DGKD: variants seen among roughly 807,000 people sequenced by gnomAD.
DGKD encodes diacylglycerol kinase delta.
DGKD carries 68 observed loss-of-function variants against 154.4 expected under a neutral mutation model. The observed-to-expected ratio is 0.44, with a 90% CI of 0.36 to 0.54. The LOEUF is 0.54. Among genes scored for constraint, DGKD ranks in the 20% least tolerant of loss-of-function variants. The pLI is 0.00. For synonymous variants in DGKD, 693 were observed against 638.0 expected (o/e 1.09, Z -1.30); for missense variants, 1,343 against 1,593.6 (o/e 0.84, Z 2.68).
chr2:233,436,321 A>G lies in DGKD; in HGVS notation c.699A>G (p.Ala233=), dbSNP rs768730921. Residue 233 remains alanine (A), a synonymous_variant, in exon 7 of 30, where the codon GCA becomes GCG. Coordinates refer to ENST00000264057, the MANE Select transcript of DGKD (RefSeq NM_152879.3). ...KDIIEDADGI[A]MPHQWLEGNL... is the part of the protein sequence containing the mutation. ...GTGCCTCTGTTTGGTTGCAGATTGC[A>G]ATGCCCCACCAGTGGTTGGAAGGAA... 1.9e-6 allele frequency: 3 copies of G among 1,614,200 alleles called. No homozygotes were observed. The highest frequency in any genetic ancestry group is 4.5e-5 in the East Asian group (2 of 44,884).
At chr2:233,427,189 G>A (rs2062334200) in intron 3 of DGKD, among the ~76,000 whole-genome samples, 1 of 151,550 alleles carries the variant, frequency 6.6e-6, no homozygotes, top group East Asian at 1.9e-4. Context: ...AAGATCTGAG[G>A]ATATTTTCTC....
Position 233,449,478 on chromosome 2 carries a change from ACCT to A in DGKD, c.1888+105_1888+107del, listed in dbSNP as rs1227407203. 14 of 1,426,238 alleles carry A rather than the reference ACCT, an allele frequency of 9.8e-6. No homozygotes were observed. Among genetic ancestry groups the A allele is most frequent in the Non-Finnish European group, 1.3e-5 (14 of 1,079,634 alleles). The allele number at this position is 1,426,238 out of a possible 1,614,324, so 88.3% of individuals were successfully genotyped here. ...TGACAGAAGGGTGCATGTTGAGAAA[ACCT>A]CCACTGCGGCCCTCTCCACCCATGT... On this transcript the variant is annotated intron_variant, in intron 15 of 29. Transcript: ENST00000264057. This position sits in a 1 kb window ranked among gnomAD's most constrained non-coding sequence, Gnocchi z 5.3.
intron 1 of DGKD, among the ~76,000 whole-genome samples, chr2:233,362,916 A>G (rs1187114280): frequency 6.6e-6 from 1 of 152,194 alleles, no homozygotes; most frequent in African/African-American, 2.4e-5. Context: ...TGAATTACCT[A>G]TGTGTTTGTG....
intron 3 of DGKD, among the ~76,000 whole-genome samples, chr2:233,399,068 A>T (rs1279092685): frequency 2.0e-5 from 3 of 152,202 alleles, no homozygotes; most frequent in African/African-American, 7.2e-5. Context: ...ATGAAGGATT[A>T]ATTTTTATTG....
chr2:233,437,627 C>A, intron 8 of DGKD, 148 bp downstream of exon 8: 1 of 764,524 alleles, frequency 1.3e-6, no homozygotes. Flanking sequence ...GGAGGAGTTG[C>A]ACAGAGCGGC....
At chr2:233,421,026 A>G (rs1327393973) in intron 3 of DGKD, among the ~76,000 whole-genome samples, 1 of 152,196 alleles carries the variant, frequency 6.6e-6, no homozygotes, top group Non-Finnish European at 1.5e-5. Flanking sequence ...TATCAGCAGC[A>G]GTGGTCACGT....
rs994264463 is a variant in DGKD, at chr2:233,437,451, C to G, written c.894C>G (p.Pro298=). Residue 298 remains proline (P), a synonymous_variant, in exon 8 of 30, where the codon CCC becomes CCG. Coordinates refer to ENST00000264057, the MANE Select transcript of DGKD (RefSeq NM_152879.3). ...TGTGCAAAGTGTCAGTCATCCCACC[C>G]ACGGCTCTCAACAGCATCGACTCCG... The part of the protein sequence containing the change: ...LGLCKVSVIP[P]TALNSIDSDG... 1.9e-6 allele frequency: 3 copies of G among 1,614,116 alleles called. No individual in the cohort carries two copies. The highest frequency in any genetic ancestry group is 2.7e-5 in the African/African-American group (2 of 74,952).
intron 3 of DGKD, among the ~76,000 whole-genome samples, chr2:233,397,929 T>G (rs550632767): frequency 1.9e-4 from 29 of 151,994 alleles, no homozygotes; most frequent in African/African-American, 6.5e-4. Flanking sequence ...AGAGGGGCTG[T>G]GGGGTGGTGG....
At chr2:233,455,738 C>T (rs910468818) in intron 19 of DGKD, among the ~76,000 whole-genome samples, 2 of 152,248 alleles carry the variant, frequency 1.3e-5, no homozygotes, top group South Asian at 2.1e-4. Flanking sequence ...CTCCTCATGG[C>T]GTCACTGCCA....
Position 233,441,891 on chromosome 2 carries a change from C to T in DGKD, c.1090C>T (p.Arg364Trp). Residue 364 changes from arginine (R) to tryptophan (W), a missense_variant, in exon 10 of 30, where the codon CGG (arginine) becomes TGG (tryptophan). Transcript: ENST00000264057. The surrounding 1 kb of genome is among the most constrained non-coding windows in gnomAD (Gnocchi z 5.6). ...GCCTTTCTCTTTTCTCTGCAGCTTA[C>T]GGTTATTCCAGAAGTTTGACACATT... ...LMNGGPHLGL[R>W]LFQKFDTFRI... 6.2e-7 allele frequency: 1 copy of T among 1,613,426 alleles called. No homozygotes were observed. The highest frequency in any genetic ancestry group is 8.5e-7 in the Non-Finnish European group (1 of 1,179,408).
At chr2:233,434,642 A>T (rs2062630612) in intron 4 of DGKD, 127 bp from the exon 5 acceptor site, 3 of 1,486,326 alleles carry the variant, frequency 2.0e-6, no homozygotes, top group Non-Finnish European at 2.8e-6. Flanking sequence ...TCCTCTCAGC[A>T]GACCTGTCCT....
At position 233,438,154 on chromosome 2, in the gene DGKD, T is replaced by A. The variant is rs974963477; in HGVS notation, c.923-63T>A. The A allele has an allele frequency of 6.4e-7, 1 of 1,559,822 alleles. No individual in the cohort carries two copies. On this transcript the variant is annotated intron_variant, in intron 8 of 29. Transcript: ENST00000264057. The surrounding 1 kb of genome is among the most constrained non-coding windows in gnomAD (Gnocchi z 4.1). The stretch of plus-strand genomic sequence containing the variant: ...GGGGGGTCTGCTGCTGCTGATTCCA[T>A]CAGTGGTGCCCTCAGCGTCTTCCGT...
At chr2:233,374,509 A>AT (rs1340145566) in intron 1 of DGKD, among the ~76,000 whole-genome samples, 1 of 151,906 alleles carries the variant, frequency 6.6e-6, no homozygotes. Flanking sequence ...TAATTTTTAG[A>AT]TTTTTTGTAG....
chr2:233,425,019 G>A (rs189825173), intron 3 of DGKD, among the ~76,000 whole-genome samples: 1 of 152,212 alleles, frequency 6.6e-6, no homozygotes, highest in Admixed American at 6.5e-5. Flanking sequence ...GACATGGGAG[G>A]ACATTTTGTC....
intron 6 of DGKD, 21 bp from the exon 7 acceptor site, chr2:233,436,295 C>G (rs370970314): frequency 1.2e-6 from 2 of 1,613,884 alleles, no homozygotes; most frequent in Non-Finnish European, 8.5e-7. Context: ...GTCCCTAGTG[C>G]GTGCCTCTGT....
chr2:233,381,468 G>C (rs1404612072), intron 1 of DGKD, among the ~76,000 whole-genome samples: 2 of 152,190 alleles, frequency 1.3e-5, no homozygotes, highest in Non-Finnish European at 2.9e-5. Flanking sequence ...TTAGCCAAGT[G>C]GCCTTGGGTG....
At chr2:233,399,845 GA>G (rs1209671354) in intron 3 of DGKD, among the ~76,000 whole-genome samples, 2 of 152,180 alleles carry the variant, frequency 1.3e-5, no homozygotes, top group Non-Finnish European at 2.9e-5. Flanking sequence ...TGTGCTTATG[GA>G]GGTGAGAGAT....
In DGKD at chr2:233,467,193, G is replaced by A. The variant is rs1300693655; in HGVS notation, c.3414G>A (p.Leu1138=). The A allele has an allele frequency of 2.5e-6, 4 of 1,613,070 alleles. No individual in the cohort carries two copies. The highest frequency in any genetic ancestry group is 1.3e-5 in the African/African-American group (1 of 74,930). The change falls in exon 28 of 30, where the codon CTG becomes CTA. Residue 1138 remains leucine, a synonymous_variant. Transcript: ENST00000264057. ...AGAACAAAGAAGCTCACAGTAGCCT[G>A]GGAGCCCCGGGTACCTGCCTCTCTC... The part of the protein sequence containing the change: ...NNKNKEAHSS[L]GAPVHLWGTE...
chr2:233,394,096 C>A lies in DGKD; in HGVS notation c.348+3613C>A, dbSNP rs1703834529. ...ATGAGGAGTTAGAATCTCTTTCAGG[C>A]CAGTTACGTTTAACACTTTGTTCAT... On this transcript the variant is annotated intron_variant, in intron 3 of 29. Coordinates refer to ENST00000264057, the MANE Select transcript of DGKD (RefSeq NM_152879.3). Among the ~76,000 whole-genome samples, 6 of 152,164 alleles carry A rather than the reference C, an allele frequency of 3.9e-5. No homozygotes were observed. The South Asian group carries it at 1.2e-3, about 31-fold the overall frequency.
Sources: gnomAD v4.1 joint callset for allele counts (sites outside exome capture counted in the v4.1 genomes callset) on GRCh38, gnomAD v4.1.1 for gene constraint, Gnocchi (gnomAD v3.1) non-coding constraint, MANE v1.5 for transcripts, NCBI Gene and HGNC (gene_info 2026-07-23, HGNC 2026-07-21) for gene names.